HS3ST3B1: variants seen among roughly 807,000 people sequenced by gnomAD.
HS3ST3B1 encodes the protein heparan sulfate-glucosamine 3-sulfotransferase 3B1, also known as heparan sulfate glucosamine 3-O-sulfotransferase 3B1.
In HS3ST3B1, 13 loss-of-function variants were observed where a neutral mutation model predicts 21.3. The observed-to-expected ratio is 0.61, with a 90% CI of 0.40 to 0.97. The LOEUF is 0.97. Ranked by LOEUF, HS3ST3B1 falls within the 50% of genes least tolerant of loss-of-function variation. The pLI is 0.00. For synonymous variants in HS3ST3B1, 234 were observed against 254.8 expected, an observed-to-expected ratio of 0.92 and a Z score of 0.78; for missense variants, 459 against 554.8, an observed-to-expected ratio of 0.83 and a Z score of 1.73.
intron 1 of HS3ST3B1, among the ~76,000 whole-genome samples, chr17:14,312,210 A>G (rs1909326207): frequency 6.6e-6 from 1 of 151,844 alleles, no homozygotes. Context: ...GATTTCCCTT[A>G]TTTTCCAAGG....
intron 1 of HS3ST3B1, chr17:14,329,367 A>AAGAAAGAAAGAAAGAAAGAAAAGGAAGG (rs1555549453): frequency 9.4e-6 from 1 of 106,192 alleles, no homozygotes; most frequent in African/African-American, 3.7e-5. Flanking sequence ...GAAAGAAAGA[A>AAGAAAGAAAGAAAGAAAGAAAAGGAAGG]AAGGAAGGAA....
In HS3ST3B1 at chr17:14,301,490, AT is replaced by A; in HGVS notation, c.-28del. On this transcript the variant is annotated 5_prime_UTR_variant, in exon 1 of 2. An upstream start codon of the reference 5' UTR is lost. Transcript: ENST00000360954. ...CGGGACCCACGCCATGTGCTGAGCCATGTCCCTGGCCGCGCCCGCGGGCAGC... is the reference window on the plus strand; with the variant it reads ...CGGGACCCACGCCATGTGCTGAGCCAGTCCCTGGCCGCGCCCGCGGGCAGC... 2 of 1,478,468 alleles carry A rather than the reference AT, an allele frequency of 1.4e-6. No individual in the cohort carries two copies. Among genetic ancestry groups the A allele is most frequent in the South Asian group, 1.4e-5 (1 of 73,944 alleles). 91.6% of individuals were successfully genotyped at this position (1,478,468 alleles called of 1,614,324 possible).
chr17:14,317,576 G>T (rs1455541658), intron 1 of HS3ST3B1, among the ~76,000 whole-genome samples: 2 of 152,138 alleles, frequency 1.3e-5, no homozygotes, highest in Admixed American at 1.3e-4. Flanking sequence ...CTTGCTGGCT[G>T]GTTGTCCTGG....
Position 14,301,808 on chromosome 17 carries a change from C to A in HS3ST3B1, c.290C>A (p.Pro97Gln), listed in dbSNP as rs1428255052. 1 of 1,559,480 alleles carries A rather than the reference C, an allele frequency of 6.4e-7. No homozygotes were observed. The highest frequency in any genetic ancestry group is 2.4e-5 in the East Asian group (1 of 42,150). The change falls in exon 1 of 2, where the codon CCA (proline) becomes CAA (glutamine). Residue 97 changes from proline (P) to glutamine (Q), a missense_variant. Coordinates refer to ENST00000360954, the MANE Select transcript of HS3ST3B1 (RefSeq NM_006041.3). The stretch of plus-strand genomic sequence containing the variant: ...CCGTTCCGGGCGCCGCCAGCCACCC[C>A]ACTGGCTTCAGGCAAGGAGATGGCC... ...RLPFRAPPAT[P>Q]LASGKEMAEG...
chr17:14,324,989 A>G (rs1450136029), intron 1 of HS3ST3B1, among the ~76,000 whole-genome samples: 1 of 152,268 alleles, frequency 6.6e-6, no homozygotes, highest in Non-Finnish European at 1.5e-5. Flanking sequence ...AAGTGGGAAT[A>G]TAAGGTGGAC....
In HS3ST3B1 at chr17:14,303,600, C is replaced by T. The variant is rs1040209085; in HGVS notation, c.554+1528C>T. On this transcript the variant is annotated intron_variant, in intron 1 of 1. Transcript: ENST00000360954. The surrounding 1 kb of genome is among the most constrained non-coding windows in gnomAD (Gnocchi z 5.7). ...GGCTAGTCGCGTGAACCTTGGTGCT[C>T]TCATCTGTGCAGTGGGAATAATGCA... Among the ~76,000 whole-genome samples the T allele has an allele frequency of 2.0e-5, 3 of 152,294 alleles. No homozygotes were observed.
chr17:14,341,006 C>T (rs1473683178), intron 1 of HS3ST3B1, among the ~76,000 whole-genome samples: 1 of 152,158 alleles, frequency 6.6e-6, no homozygotes, highest in Non-Finnish European at 1.5e-5. Flanking sequence ...TGCTTTCTGA[C>T]ACATGTGGAC....
chr17:14,303,045 T>C lies in HS3ST3B1; in HGVS notation c.554+973T>C, dbSNP rs719470. On this transcript the variant is annotated intron_variant, in intron 1 of 1. Coordinates refer to ENST00000360954, the MANE Select transcript of HS3ST3B1 (RefSeq NM_006041.3). The surrounding 1 kb of genome is among the most constrained non-coding windows in gnomAD (Gnocchi z 5.7). Reference sequence around the variant, plus strand: ...CAATCACTACCTCTGCCCACTGCTTTCCGCAGCTGCTGGTCTTTGGGGTGA... The same window carrying C: ...CAATCACTACCTCTGCCCACTGCTTCCCGCAGCTGCTGGTCTTTGGGGTGA... Among the ~76,000 whole-genome samples the C allele has an allele frequency of 0.57, 86,068 of 152,006 alleles. 24,540 individuals are homozygous for C. The highest frequency in any genetic ancestry group is 0.61 in the Admixed American group (9,366 of 15,264).
chr17:14,335,932 T>G (rs555915385), intron 1 of HS3ST3B1, among the ~76,000 whole-genome samples: 62 of 152,222 alleles, frequency 4.1e-4, no homozygotes, highest in Non-Finnish European at 4.6e-4. Context: ...TCAAAATTCT[T>G]GGAACTGGAC....
At chr17:14,337,254 G>A (rs1910212306) in intron 1 of HS3ST3B1, among the ~76,000 whole-genome samples, 1 of 151,558 alleles carries the variant, frequency 6.6e-6, no homozygotes, top group South Asian at 2.1e-4. Context: ...CTGGTAGCCT[G>A]ATTCATATCT....
chr17:14,320,128 C>T (rs946097860), intron 1 of HS3ST3B1, among the ~76,000 whole-genome samples: 4 of 152,112 alleles, frequency 2.6e-5, no homozygotes, highest in Admixed American at 6.5e-5. Flanking sequence ...ACCCTGACTG[C>T]TTTGCAGAGA....
At chr17:14,302,180 C>G (rs1426883666) in intron 1 of HS3ST3B1, 108 bp downstream of exon 1, 9 of 1,316,740 alleles carry the variant, frequency 6.8e-6, no homozygotes, top group African/African-American at 3.0e-5. Context: ...TCGGACCACC[C>G]GGGGTAGGGC....
rs574967344 is a variant in HS3ST3B1, at chr17:14,322,370, C to T, written c.554+20298C>T. On this transcript the variant is annotated intron_variant, in intron 1 of 1. Coordinates refer to ENST00000360954, the MANE Select transcript of HS3ST3B1 (RefSeq NM_006041.3). ...AGGAAACAACCCTTCATTGTTATTA[C>T]ATTGAGCCAGTGAGATCCTGAACGT... 2.4e-3 allele frequency among the ~76,000 whole-genome samples: 363 copies of T among 152,246 alleles called. 3 individuals carry two copies. Among genetic ancestry groups the T allele is most frequent in the African/African-American group, 8.3e-3 (346 of 41,544 alleles).
At chr17:14,332,860 C>A (rs1597599313) in intron 1 of HS3ST3B1, among the ~76,000 whole-genome samples, 1 of 106,224 alleles carries the variant, frequency 9.4e-6, no homozygotes. Context: ...TTTTTAATGT[C>A]GTAGGTTAAG....
Position 14,301,102 on chromosome 17 carries a change from T to C in HS3ST3B1, c.-417T>C, listed in dbSNP as rs560092615. Reference sequence around the variant, plus strand: ...CTGCGCAGTTCGCCTCTGCAGCCTCTGCGGGGAAGTGCCGGGGCTGCTCGA... The same window carrying C: ...CTGCGCAGTTCGCCTCTGCAGCCTCCGCGGGGAAGTGCCGGGGCTGCTCGA... On this transcript the variant is annotated 5_prime_UTR_variant, in exon 1 of 2. Coordinates refer to ENST00000360954, the MANE Select transcript of HS3ST3B1 (RefSeq NM_006041.3). 9.8e-5 allele frequency: 19 copies of C among 193,732 alleles called. No individual in the cohort carries two copies. Among genetic ancestry groups the C allele is most frequent in the African/African-American group, 4.0e-4 (17 of 42,994 alleles). 12.0% of individuals were successfully genotyped at this position (193,732 alleles called of 1,614,324 possible).
intron 1 of HS3ST3B1, among the ~76,000 whole-genome samples, chr17:14,336,286 G>C (rs772514618): frequency 6.6e-6 from 1 of 152,142 alleles, no homozygotes; most frequent in Non-Finnish European, 1.5e-5. Context: ...TTTTATTGTT[G>C]TGTAATTTAC....
chr17:14,313,407 C>T (rs9890556), intron 1 of HS3ST3B1, among the ~76,000 whole-genome samples: 108,608 of 151,704 alleles, frequency 0.72, 39,904 homozygotes, highest in East Asian at 0.96. Context: ...GTATGCATTG[C>T]TTCTCTGCAG....
At chr17:14,342,957 T>TA (rs1368729160) in intron 1 of HS3ST3B1, among the ~76,000 whole-genome samples, 1 of 152,116 alleles carries the variant, frequency 6.6e-6, no homozygotes, top group African/African-American at 2.4e-5. Context: ...AAAGATTTAA[T>TA]CAATGGCCGG....
chr17:14,321,092 G>A (rs1295083486), intron 1 of HS3ST3B1, among the ~76,000 whole-genome samples: 1 of 152,240 alleles, frequency 6.6e-6, no homozygotes, highest in African/African-American at 2.4e-5. Context: ...TGTAAAGGAA[G>A]GCCAGCTTGG....
Sources: gnomAD v4.1 joint callset for allele counts (sites outside exome capture counted in the v4.1 genomes callset) on GRCh38, gnomAD v4.1.1 for gene constraint, Gnocchi (gnomAD v3.1) non-coding constraint, MANE v1.5 for transcripts, NCBI Gene and HGNC (gene_info 2026-07-23, HGNC 2026-07-21) for gene names.